The following ZNF804A variants were observed in gnomAD, a reference collection of about 807,000 sequenced individuals.
The protein encoded by ZNF804A is zinc finger protein 804A.
In ZNF804A, 2 loss-of-function variants were observed where a neutral mutation model predicts 16.5. That is an observed-to-expected ratio of 0.12 (90% CI 0.05 to 0.38). The LOEUF (loss-of-function observed/expected upper bound fraction) is 0.38, where lower values mean the gene tolerates loss of function less well. ZNF804A is among the 10% of genes least tolerant of loss of function. ZNF804A has a pLI of 0.99. For synonymous variants in ZNF804A, 534 were observed against 489.6 expected (o/e 1.09, Z -1.20); for missense variants, 1,473 against 1,390.7 (o/e 1.06, Z -0.94).
At chr2:184,820,803 A>C (rs1695066197) in intron 1 of ZNF804A, among the ~76,000 whole-genome samples, 1 of 152,028 alleles carries the variant, frequency 6.6e-6, no homozygotes. Context: ...ACATGAATGA[A>C]CTCTCATTCA....
At chr2:184,809,227 C>T (rs749590958) in intron 1 of ZNF804A, among the ~76,000 whole-genome samples, 5 of 151,478 alleles carry the variant, frequency 3.3e-5, no homozygotes, top group Non-Finnish European at 5.9e-5. Flanking sequence ...TTCTTTCTCC[C>T]AAATAGGTAA....
chr2:184,694,072 G>A (rs1453107131), intron 1 of ZNF804A, among the ~76,000 whole-genome samples: 2 of 151,436 alleles, frequency 1.3e-5, no homozygotes, highest in Non-Finnish European at 2.9e-5. Flanking sequence ...GGGATTACAG[G>A]TGTGTGTGAC....
chr2:184,896,168 C>G (rs910984046), intron 2 of ZNF804A, among the ~76,000 whole-genome samples: 1 of 152,066 alleles, frequency 6.6e-6, no homozygotes, highest in African/African-American at 2.4e-5. Context: ...TACCTAGTAT[C>G]AATCACCCCT....
intron 1 of ZNF804A, among the ~76,000 whole-genome samples, chr2:184,764,259 G>C (rs1385414251): frequency 6.6e-6 from 1 of 151,456 alleles, no homozygotes; most frequent in Non-Finnish European, 1.5e-5. Flanking sequence ...TAGTCATGAA[G>C]CCATCTTTAT....
chr2:184,926,182 C>A (rs1054892510), intron 2 of ZNF804A, among the ~76,000 whole-genome samples: 7 of 152,036 alleles, frequency 4.6e-5, no homozygotes, highest in Non-Finnish European at 1.0e-4. Context: ...TCTTGTGGGA[C>A]AATCTGCTAT....
chr2:184,696,350 T>C (rs915911424), intron 1 of ZNF804A, among the ~76,000 whole-genome samples: 2 of 152,086 alleles, frequency 1.3e-5, no homozygotes, highest in Non-Finnish European at 2.9e-5. Flanking sequence ...TGAAATCTCA[T>C]GTATGTAGAA....
At chr2:184,830,105 C>T (rs200902958) in intron 1 of ZNF804A, among the ~76,000 whole-genome samples, 1 of 122,560 alleles carries the variant, frequency 8.2e-6, no homozygotes, top group Non-Finnish European at 1.6e-5. Context: ...CAACAACACA[C>T]CCACCCACAC....
chr2:184,776,844 T>C (rs1268384461), intron 1 of ZNF804A, among the ~76,000 whole-genome samples: 1 of 151,562 alleles, frequency 6.6e-6, no homozygotes, highest in Non-Finnish European at 1.5e-5. Context: ...CATCTCACTG[T>C]TCCCCTCATT....
At chr2:184,623,306 A>G (rs767623028) in intron 1 of ZNF804A, among the ~76,000 whole-genome samples, 1 of 152,138 alleles carries the variant, frequency 6.6e-6, no homozygotes, top group Non-Finnish European at 1.5e-5. Context: ...AATTAAAAAA[A>G]TTCATTTTAA....
intron 1 of ZNF804A, among the ~76,000 whole-genome samples, chr2:184,840,045 C>T (rs939100553): frequency 1.3e-5 from 2 of 152,124 alleles, no homozygotes; most frequent in African/African-American, 4.8e-5. Context: ...TTTAGATAAA[C>T]CCATTGAAAG....
At chr2:184,819,990 C>G (rs528760034) in intron 1 of ZNF804A, among the ~76,000 whole-genome samples, 1 of 152,106 alleles carries the variant, frequency 6.6e-6, no homozygotes, top group African/African-American at 2.4e-5. Context: ...ACCGGGGGTA[C>G]AAAGAAGAGC....
intron 1 of ZNF804A, among the ~76,000 whole-genome samples, chr2:184,638,752 T>A (rs1023408897): frequency 1.3e-5 from 2 of 152,102 alleles, no homozygotes. Flanking sequence ...GAAAAAAGAA[T>A]GCATGTTTCA....
At chr2:184,879,595 T>C (rs1243030854) in intron 2 of ZNF804A, among the ~76,000 whole-genome samples, 2 of 151,934 alleles carry the variant, frequency 1.3e-5, no homozygotes, top group Non-Finnish European at 2.9e-5. Flanking sequence ...TTTTTAGGAA[T>C]ATAGGAAGGT....
At chr2:184,752,893 T>C (rs1693897510) in intron 1 of ZNF804A, among the ~76,000 whole-genome samples, 1 of 151,292 alleles carries the variant, frequency 6.6e-6, no homozygotes, top group African/African-American at 2.4e-5. Context: ...ATCAGAGAAA[T>C]GCAAAACAAA....
At chr2:184,733,972 G>A (rs1693567158) in intron 1 of ZNF804A, among the ~76,000 whole-genome samples, 1 of 151,806 alleles carries the variant, frequency 6.6e-6, no homozygotes, top group Non-Finnish European at 1.5e-5. Context: ...AGCTTTTGAT[G>A]TCTGTATTTT....
At chr2:184,787,203 A>T (rs1432689445) in intron 1 of ZNF804A, among the ~76,000 whole-genome samples, 2 of 151,970 alleles carry the variant, frequency 1.3e-5, no homozygotes, top group Non-Finnish European at 2.9e-5. Context: ...ATAAATTAGA[A>T]CATTCAATGT....
At chr2:184,748,431 G>A (rs1693828616) in intron 1 of ZNF804A, among the ~76,000 whole-genome samples, 1 of 151,246 alleles carries the variant, frequency 6.6e-6, no homozygotes, top group African/African-American at 2.4e-5. Context: ...GTCTTCTTTT[G>A]AGAAGTGTCT....
Position 184,667,278 on chromosome 2 carries a change from A to T in ZNF804A, c.111+68208A>T, listed in dbSNP as rs576736372. Among the ~76,000 whole-genome samples the T allele has an allele frequency of 1.3e-4, 20 of 152,042 alleles. No homozygotes were observed. The East Asian group carries it at 3.9e-3, about 29-fold the overall frequency. Reference sequence around the variant, plus strand: ...ATGTTTTCTTGGTCTTTTAAGATTCAGATCTCTTGTATAGACTTTCATTAA... The same window carrying T: ...ATGTTTTCTTGGTCTTTTAAGATTCTGATCTCTTGTATAGACTTTCATTAA... On this transcript the variant is annotated intron_variant, in intron 1 of 3. Transcript: ENST00000302277.
rs1685817030 is a variant in ZNF804A, at chr2:184,937,739, A to G, written c.2343A>G (p.Ser781=). ...KRRQHSHSYS[S]DESLNRQNHL... ...GACAACATTCACATTCTTATTCTTC[A>G]GATGAAAGTTTAAATCGACAGAATC... Residue 781 remains serine, a synonymous_variant, in exon 4 of 4, where the codon TCA becomes TCG. Transcript: ENST00000302277. 6.8e-6 allele frequency: 11 copies of G among 1,613,942 alleles called. No individual in the cohort carries two copies. Among genetic ancestry groups the G allele is most frequent in the Non-Finnish European group, 5.1e-6 (6 of 1,179,986 alleles).
Sources: allele counts gnomAD v4.1 joint callset (sites outside exome capture counted in the v4.1 genomes callset), GRCh38; gene constraint gnomAD v4.1.1; transcripts MANE v1.5; gene names NCBI Gene and HGNC (gene_info 2026-07-23, HGNC 2026-07-21).